SLC35F1: variants seen among roughly 807,000 people sequenced by gnomAD.
SLC35F1 encodes chromosome 6 open reading frame 169.
A neutral mutation model predicts 48.7 loss-of-function variants in SLC35F1; 14 were observed. The observed-to-expected ratio is 0.29, with a 90% CI of 0.19 to 0.45. The LOEUF is 0.45. Among genes scored for constraint, SLC35F1 ranks in the 20% least tolerant of loss-of-function variants. The probability of loss-of-function intolerance (pLI) is 1.00; values close to 1 mark genes in which losing one functional copy is unlikely to be tolerated. For missense variants in SLC35F1, 404 were observed against 500.0 expected (o/e 0.81, Z 1.83); for synonymous variants, 190 against 202.2 (o/e 0.94, Z 0.51).
chr6:118,305,125 G>A (rs993207709), intron 7 of SLC35F1, among the ~76,000 whole-genome samples: 4 of 142,500 alleles, frequency 2.8e-5, no homozygotes, highest in Non-Finnish European at 6.1e-5. Context: ...TTGATTTTAA[G>A]GAATTGATTC....
intron 1 of SLC35F1, among the ~76,000 whole-genome samples, chr6:118,002,521 A>G (rs1438168409): frequency 3.3e-5 from 5 of 151,980 alleles, no homozygotes; most frequent in Non-Finnish European, 5.9e-5. Context: ...TAATGGGTGC[A>G]GCACACCAGC....
chr6:118,175,699 T>C, intron 2 of SLC35F1, among the ~76,000 whole-genome samples: 1 of 152,080 alleles, frequency 6.6e-6, no homozygotes, highest in Admixed American at 6.6e-5. Flanking sequence ...CCAGCAAATA[T>C]GGCTGGCAAT....
At chr6:118,168,344 T>C (rs1306716870) in intron 2 of SLC35F1, among the ~76,000 whole-genome samples, 5 of 152,124 alleles carry the variant, frequency 3.3e-5, no homozygotes, top group African/African-American at 1.2e-4. Flanking sequence ...AAACAGCATA[T>C]AGTAGAGAAC....
intron 1 of SLC35F1, among the ~76,000 whole-genome samples, chr6:118,134,633 C>G (rs955434657): frequency 1.3e-5 from 2 of 152,188 alleles, no homozygotes; most frequent in African/African-American, 4.8e-5. Context: ...GTCAGCAACA[C>G]GTATGAAGCC....
At chr6:118,226,786 T>C (rs375854916) in intron 2 of SLC35F1, among the ~76,000 whole-genome samples, 26 of 152,300 alleles carry the variant, frequency 1.7e-4, no homozygotes, top group African/African-American at 6.0e-4. Context: ...GTTTGATAGC[T>C]CATTATAATT....
At chr6:118,044,449 G>A (rs542911597) in intron 1 of SLC35F1, among the ~76,000 whole-genome samples, 3 of 151,972 alleles carry the variant, frequency 2.0e-5, no homozygotes, top group African/African-American at 7.3e-5. Flanking sequence ...CATTCTCCAG[G>A]GTTCTTCACT....
intron 1 of SLC35F1, among the ~76,000 whole-genome samples, chr6:117,944,199 C>A (rs966135921): frequency 1.3e-5 from 2 of 152,118 alleles, no homozygotes; most frequent in East Asian, 1.9e-4. Flanking sequence ...AGAATTATTT[C>A]TATAATTGAA....
chr6:118,286,805 T>TTG (rs3080003), intron 7 of SLC35F1, among the ~76,000 whole-genome samples: 54,200 of 143,770 alleles, frequency 0.38, 9,984 homozygotes, highest in African/African-American at 0.41. Flanking sequence ...GTGTGTGTGT[T>TTG]TGTGTGTGTG....
intron 2 of SLC35F1, among the ~76,000 whole-genome samples, chr6:118,215,107 T>C (rs1035180356): frequency 4.6e-5 from 7 of 152,030 alleles, no homozygotes; most frequent in African/African-American, 1.7e-4. Context: ...ACTGATACCC[T>C]TGGCTCAGGC....
chr6:118,093,273 G>A (rs138806705), intron 1 of SLC35F1, among the ~76,000 whole-genome samples: 2,284 of 151,996 alleles, frequency 0.015, 63 homozygotes, highest in African/African-American at 0.052. Context: ...TGGAGATTGC[G>A]CCACTGCACT....
chr6:118,036,484 C>T (rs774412000), intron 1 of SLC35F1, among the ~76,000 whole-genome samples: 10 of 152,082 alleles, frequency 6.6e-5, no homozygotes, highest in Admixed American at 4.6e-4. Context: ...ATTCTGCAGT[C>T]GTAAGATGTA....
intron 1 of SLC35F1, among the ~76,000 whole-genome samples, chr6:118,141,940 T>C (rs982410214): frequency 6.6e-6 from 1 of 152,208 alleles, no homozygotes; most frequent in Non-Finnish European, 1.5e-5. Flanking sequence ...TTTTTTTCCT[T>C]CTTTGTTCTT....
intron 1 of SLC35F1, among the ~76,000 whole-genome samples, chr6:118,071,068 ATATACTATGTG>A (rs1562280975): frequency 6.1e-4 from 4 of 6,584 alleles, no homozygotes; most frequent in Non-Finnish European, 6.0e-4. Context: ...TTCTACGTAT[ATATACTATGTG>A]TATATATACA....
Position 118,237,689 on chromosome 6 carries a change from C to T in SLC35F1, c.477+2053C>T, listed in dbSNP as rs73525881. Among the ~76,000 whole-genome samples the T allele has an allele frequency of 9.4e-3, 1,426 of 152,214 alleles. 19 individuals are homozygous for T. Among genetic ancestry groups the T allele is most frequent in the African/African-American group, 0.033 (1,356 of 41,552 alleles). On this transcript the variant is annotated intron_variant, in intron 3 of 7. Transcript: ENST00000360388. ...ACAGGCATGAGCCACACGCCCAGCC[C>T]GTATGTCTTCTTTAACAGCGATAGT...
At chr6:118,167,111 C>G (rs369070646) in intron 2 of SLC35F1, among the ~76,000 whole-genome samples, 1 of 152,078 alleles carries the variant, frequency 6.6e-6, no homozygotes, top group East Asian at 1.9e-4. Flanking sequence ...CTGTCAGTCA[C>G]TGTGCTACGA....
intron 2 of SLC35F1, among the ~76,000 whole-genome samples, chr6:118,223,378 C>T (rs1006325990): frequency 1.3e-5 from 2 of 151,786 alleles, no homozygotes; most frequent in Admixed American, 1.3e-4. Context: ...CTTTTTTTTC[C>T]AGTTAATCCT....
At chr6:118,001,095 A>G (rs1349157228) in intron 1 of SLC35F1, among the ~76,000 whole-genome samples, 1 of 152,136 alleles carries the variant, frequency 6.6e-6, no homozygotes, top group African/African-American at 2.4e-5. Flanking sequence ...ATTGGAAAAA[A>G]CTATTTTAAA....
At chr6:118,178,476 G>A (rs2114506345) in intron 2 of SLC35F1, among the ~76,000 whole-genome samples, 1 of 152,126 alleles carries the variant, frequency 6.6e-6, no homozygotes, top group Non-Finnish European at 1.5e-5. Context: ...GTGAATATCA[G>A]CATATTTTAT....
At chr6:118,068,132 T>G (rs906707247) in intron 1 of SLC35F1, among the ~76,000 whole-genome samples, 3 of 152,104 alleles carry the variant, frequency 2.0e-5, no homozygotes, top group Non-Finnish European at 4.4e-5. Context: ...TGCCTTTTTG[T>G]TTTATTTGAG....
Sources: gnomAD v4.1 joint callset for allele counts (sites outside exome capture counted in the v4.1 genomes callset) on GRCh38, gnomAD v4.1.1 for gene constraint, MANE v1.5 for transcripts, NCBI Gene and HGNC (gene_info 2026-07-23, HGNC 2026-07-21) for gene names.